Variants in DHCR24 observed in about 807,000 individuals in gnomAD.
DHCR24 encodes the protein delta(24)-sterol reductase.
Under a neutral mutation model 61.2 loss-of-function variants are expected in DHCR24, and 28 were observed. The observed-to-expected ratio is 0.46, with a 90% CI of 0.34 to 0.63. DHCR24 has a LOEUF of 0.63. Among genes scored for constraint, DHCR24 ranks in the 20% least tolerant of loss-of-function variants. The pLI is 0.01. For synonymous variants in DHCR24, 261 were observed against 275.9 expected (o/e 0.95, Z 0.54); for missense variants, 538 against 679.1 (o/e 0.79, Z 2.31).
chr1:54,875,879 G>T, intron 3 of DHCR24, 63 bp downstream of exon 3: 1 of 1,379,312 alleles, frequency 7.2e-7, no homozygotes. Flanking sequence ...GGGTGGCCAA[G>T]GCCCATCAGC....
At chr1:54,885,271 A>T (rs1647086534) in intron 1 of DHCR24, among the ~76,000 whole-genome samples, 1 of 152,176 alleles carries the variant, frequency 6.6e-6, no homozygotes. Context: ...TCCCTGCCTG[A>T]ATCTGCAGCC....
chr1:54,879,328 A>AGG lies in DHCR24; in HGVS notation c.388-3282_388-3281insCC, dbSNP rs1557439348. ...ACAGAGCAAGACTCCATCTGAAAAA[A>AGG]AAAAAAAAAAAAAAAAAAAAAAAAT... On this transcript the variant is annotated intron_variant, in intron 2 of 8. Transcript: ENST00000371269. Among the ~76,000 whole-genome samples the AGG allele has an allele frequency of 1.9e-3, 23 of 12,318 alleles. 2 individuals are homozygous for AGG. The highest frequency in any genetic ancestry group is 5.7e-3 in the South Asian group (2 of 348). The allele number at this position is 12,318 out of a possible 152,430, so 8.1% of individuals were successfully genotyped here.
At chr1:54,862,615 T>C (rs1275079818) in intron 6 of DHCR24, among the ~76,000 whole-genome samples, 3 of 152,114 alleles carry the variant, frequency 2.0e-5, no homozygotes, top group African/African-American at 4.8e-5. Flanking sequence ...TCTCCCTCCA[T>C]GGCTTTAGAA....
At chr1:54,877,241 C>A (rs1447571149) in intron 2 of DHCR24, among the ~76,000 whole-genome samples, 1 of 151,846 alleles carries the variant, frequency 6.6e-6, no homozygotes, top group Admixed American at 6.5e-5. Context: ...ACAACACACA[C>A]AAACCAAAAG....
At chr1:54,886,802 C>G in intron 1 of DHCR24, 87 bp downstream of exon 1, 1 of 1,553,968 alleles carries the variant, frequency 6.4e-7, no homozygotes, top group South Asian at 1.2e-5. Flanking sequence ...GCCCCCGCAC[C>G]GCAGCTCCCG....
intron 2 of DHCR24, among the ~76,000 whole-genome samples, chr1:54,879,697 A>G (rs528347577): frequency 6.6e-6 from 1 of 152,336 alleles, no homozygotes; most frequent in Admixed American, 6.5e-5. Flanking sequence ...AAACTATACC[A>G]AAGCACATCA....
intron 2 of DHCR24, among the ~76,000 whole-genome samples, chr1:54,881,552 T>C (rs749180916): frequency 6.6e-6 from 1 of 152,166 alleles, no homozygotes; most frequent in Non-Finnish European, 1.5e-5. Context: ...GAGTGTAAAT[T>C]AGTTCAACCA....
At chr1:54,881,651 A>G (rs996497032) in intron 2 of DHCR24, among the ~76,000 whole-genome samples, 2 of 152,194 alleles carry the variant, frequency 1.3e-5, no homozygotes, top group Admixed American at 1.3e-4. Flanking sequence ...TATATACCCA[A>G]AGGAATATAA....
chr1:54,860,913 G>A (rs10888882), intron 6 of DHCR24, among the ~76,000 whole-genome samples: 69,383 of 151,528 alleles, frequency 0.46, 18,162 homozygotes, highest in South Asian at 0.65. Flanking sequence ...GCATGAACCC[G>A]GGAGGCGGCA....
chr1:54,855,250 C>T lies in DHCR24; in HGVS notation c.1021-1016G>A, dbSNP rs572762216. 5.3e-5 allele frequency among the ~76,000 whole-genome samples: 8 copies of T among 152,142 alleles called. 1 individual carries two copies. The South Asian group carries it at 1.0e-3, about 20-fold the overall frequency. Reference sequence around the variant, plus strand: ...TCTACTAAAAATACAAAAAATTAGCCGGGCATGGTGGCGGGCGCCTGTAGT... The same window carrying T: ...TCTACTAAAAATACAAAAAATTAGCTGGGCATGGTGGCGGGCGCCTGTAGT... On this transcript the variant is annotated intron_variant, in intron 6 of 8. Transcript: ENST00000371269.
At chr1:54,857,312 A>G (rs1646912945) in intron 6 of DHCR24, among the ~76,000 whole-genome samples, 1 of 152,222 alleles carries the variant, frequency 6.6e-6, no homozygotes, top group Non-Finnish European at 1.5e-5. Context: ...GGCAAATCTA[A>G]GGGGCCCAGC....
At chr1:54,875,847 G>A (rs1381162011) in intron 3 of DHCR24, 95 bp downstream of exon 3, 14 of 955,004 alleles carry the variant, frequency 1.5e-5, no homozygotes, top group Middle Eastern at 2.1e-4. Flanking sequence ...ATGGAATAGC[G>A]GCAATTCCAG....
chr1:54,867,270 C>T (rs1646972649), intron 5 of DHCR24, among the ~76,000 whole-genome samples: 1 of 152,184 alleles, frequency 6.6e-6, no homozygotes, highest in Admixed American at 6.5e-5. Flanking sequence ...CTGCAGAGGG[C>T]CCATCACAGG....
intron 1 of DHCR24, among the ~76,000 whole-genome samples, chr1:54,884,316 G>A (rs1647080837): frequency 6.6e-6 from 1 of 152,240 alleles, no homozygotes; most frequent in Non-Finnish European, 1.5e-5. Flanking sequence ...AGATGGAGTT[G>A]TGGTAACAGT....
At position 54,878,439 on chromosome 1, in the gene DHCR24, G is replaced by A. The variant is rs549953307; in HGVS notation, c.388-2392C>T. ...TGAGGCAGGAGAATCACTTGAATCC[G>A]GGAGGCGGAGGTTGCAGTGACCCGA... On this transcript the variant is annotated intron_variant, in intron 2 of 8. Coordinates refer to ENST00000371269, the MANE Select transcript of DHCR24 (RefSeq NM_014762.4). Among the ~76,000 whole-genome samples, 187 of 142,344 alleles carry A rather than the reference G, an allele frequency of 1.3e-3. 2 individuals are homozygous for A. The highest frequency in any genetic ancestry group is 4.6e-3 in the African/African-American group (176 of 38,454). The allele number at this position is 142,344 out of a possible 152,430, so 93.4% of individuals were successfully genotyped here.
At chr1:54,880,976 C>A (rs1647061172) in intron 2 of DHCR24, among the ~76,000 whole-genome samples, 2 of 152,106 alleles carry the variant, frequency 1.3e-5, no homozygotes, top group Admixed American at 6.5e-5. Flanking sequence ...TGGTGAAACC[C>A]CGTCTCTACT....
In DHCR24 at chr1:54,887,145, G is replaced by A. The variant is rs1647104607; in HGVS notation, c.-26C>T. On this transcript the variant is annotated 5_prime_UTR_variant, in exon 1 of 9. Transcript: ENST00000371269. ...GGTGCGGCGCCGCGCGGTAAGCGCTGCGGGTTCGCGCCTCCTGTCACTGCC... is the reference window on the plus strand; with the variant it reads ...GGTGCGGCGCCGCGCGGTAAGCGCTACGGGTTCGCGCCTCCTGTCACTGCC... 1 of 1,536,904 alleles carries A rather than the reference G, an allele frequency of 6.5e-7. No homozygotes were observed.
At position 54,865,377 on chromosome 1, in the gene DHCR24, G is replaced by C. The variant is rs772276044; in HGVS notation, c.946C>G (p.Arg316Gly). 3 of 1,614,176 alleles carry C rather than the reference G, an allele frequency of 1.9e-6. No individual in the cohort carries two copies. Among genetic ancestry groups the C allele is most frequent in the East Asian group, 2.2e-5 (1 of 44,870 alleles). ...AAGGGAATGTACTCCAGGCCCTCTC[G>C]GTTTGTCTTCAGATAGTTCTCCACA... ...KHVENYLKTN[R>G]EGLEYIPLRH... Residue 316 changes from arginine (R) to glycine (G), a missense_variant, in exon 6 of 9, where the codon CGA becomes GGA. Coordinates refer to ENST00000371269, the MANE Select transcript of DHCR24 (RefSeq NM_014762.4).
intron 5 of DHCR24, 94 bp downstream of exon 5, chr1:54,871,256 G>C: frequency 6.6e-7 from 1 of 1,523,842 alleles, no homozygotes; most frequent in Non-Finnish European, 9.0e-7. Flanking sequence ...CCTTGAAGAG[G>C]TGGCTGCCAG....
Sources: gnomAD v4.1 joint callset for allele counts (sites outside exome capture counted in the v4.1 genomes callset) on GRCh38, gnomAD v4.1.1 for gene constraint, MANE v1.5 for transcripts, NCBI Gene and HGNC (gene_info 2026-07-23, HGNC 2026-07-21) for gene names.